The following CEACAM6 variants were observed in gnomAD, a reference collection of about 807,000 sequenced individuals.
CEACAM6 encodes cell adhesion molecule CEACAM6.
Under a neutral mutation model 32.4 loss-of-function variants are expected in CEACAM6, and 21 were observed. The ratio of observed to expected loss-of-function variants is 0.65; its 90% CI spans 0.46 to 0.93. CEACAM6 has a LOEUF of 0.93. Among genes scored for constraint, CEACAM6 ranks in the 40% least tolerant of loss-of-function variants. The pLI, the probability that CEACAM6 is intolerant of heterozygous loss-of-function variation, is 0.00. For missense variants in CEACAM6, 406 were observed against 432.2 expected (o/e 0.94, Z 0.54); for synonymous variants, 184 against 174.4 (o/e 1.06, Z -0.43).
Position 41,766,257 on chromosome 19 carries a change from T to C in CEACAM6, c.1033T>C (p.Ter345GlnextTer19), listed in dbSNP as rs200185319. The C allele has an allele frequency of 5.7e-6, 9 of 1,591,746 alleles. No individual in the cohort carries two copies. Among genetic ancestry groups the C allele is most frequent in the Non-Finnish European group, 5.1e-6 (6 of 1,170,584 alleles). Reference sequence around the variant, plus strand: ...AGTGCTGGCCAGGGTGGCTCTGATATAGCAGCCCTGGTGTATTTTCGATAT... The same window carrying C: ...AGTGCTGGCCAGGGTGGCTCTGATACAGCAGCCCTGGTGTATTTTCGATAT... Reference protein sequence around the residue: ...IGVLARVALI* With the variant: ...IGVLARVALIQ The change falls in exon 5 of 6, where the codon TAG (stop) becomes CAG (glutamine). Residue 345 changes from the stop codon to glutamine (Q), a stop_lost. Transcript: ENST00000199764.
intron 1 of CEACAM6, among the ~76,000 whole-genome samples, chr19:41,755,973 A>G (rs1240830269): frequency 6.6e-6 from 1 of 152,242 alleles, no homozygotes; most frequent in African/African-American, 2.4e-5. Flanking sequence ...AGAAATCAGA[A>G]CTGCATTAGG....
intron 2 of CEACAM6, among the ~76,000 whole-genome samples, chr19:41,759,373 T>A (rs1453928618): frequency 6.6e-6 from 1 of 152,228 alleles, no homozygotes; most frequent in Non-Finnish European, 1.5e-5. Flanking sequence ...GCATTTCACA[T>A]GACTGTTTGG....
chr19:41,760,531 C>G (rs1568725541), intron 2 of CEACAM6, among the ~76,000 whole-genome samples: 1 of 152,218 alleles, frequency 6.6e-6, no homozygotes, highest in Non-Finnish European at 1.5e-5. Flanking sequence ...GAACACGGTT[C>G]TGCTGGGAAA....
chr19:41,762,293 A>T (rs2072931088), intron 4 of CEACAM6, 70 bp downstream of exon 4: 2 of 1,553,978 alleles, frequency 1.3e-6, no homozygotes, highest in East Asian at 4.5e-5. Flanking sequence ...AGAGCCAGGA[A>T]GAAATTTTCT....
At chr19:41,760,999 G>A (rs1181225699) in intron 2 of CEACAM6, among the ~76,000 whole-genome samples, 1 of 152,198 alleles carries the variant, frequency 6.6e-6, no homozygotes, top group African/African-American at 2.4e-5. Flanking sequence ...TCCTGTGTCT[G>A]TCCATGACCC....
intron 4 of CEACAM6, among the ~76,000 whole-genome samples, chr19:41,765,020 A>G (rs2072948592): frequency 1.3e-5 from 2 of 152,216 alleles, no homozygotes; most frequent in African/African-American, 4.8e-5. Context: ...ATTTAATGTA[A>G]CATTTGATTA....
intron 2 of CEACAM6, among the ~76,000 whole-genome samples, chr19:41,757,415 G>C (rs2072895640): frequency 6.6e-6 from 1 of 152,138 alleles, no homozygotes; most frequent in South Asian, 2.1e-4. Context: ...CCAGGGCTGT[G>C]TGGTGGCCTC....
chr19:41,757,976 C>T (rs557118758), intron 2 of CEACAM6: 2 of 152,262 alleles, frequency 1.3e-5, no homozygotes, highest in Non-Finnish European at 2.9e-5. Flanking sequence ...TCTCCTCAAC[C>T]GGGGGTGATG....
intron 5 of CEACAM6, among the ~76,000 whole-genome samples, chr19:41,769,165 G>A (rs1016665594): frequency 2.0e-5 from 3 of 151,908 alleles, no homozygotes; most frequent in African/African-American, 4.8e-5. Flanking sequence ...GGCTGGTCTC[G>A]AACTCCTGAC....
chr19:41,759,477 A>G (rs2072909839), intron 2 of CEACAM6, among the ~76,000 whole-genome samples: 1 of 152,176 alleles, frequency 6.6e-6, no homozygotes, highest in African/African-American at 2.4e-5. Flanking sequence ...CTAATTTGGC[A>G]TCGTTCCTTC....
rs1030780070 is a variant in CEACAM6 at position 41,756,787 on chromosome 19, A to G, written c.252A>G (p.Ile84Met). ...ACAGTCTAATTGTAGGATATGTAAT[A>G]GGAACTCAACAAGCTACCCCAGGGC... is the stretch of plus-strand genomic sequence containing the variant. The part of the protein sequence containing the change: ...DGNSLIVGYV[I>M]GTQQATPGPA... The change falls in exon 2 of 6, where the codon ATA (isoleucine) becomes ATG (methionine). Residue 84 changes from isoleucine to methionine, a missense_variant. Coordinates refer to ENST00000199764, the MANE Select transcript of CEACAM6 (RefSeq NM_002483.7). The G allele has an allele frequency of 6.2e-7, 1 of 1,614,046 alleles. No individual in the cohort carries two copies. The highest frequency in any genetic ancestry group is 1.3e-5 in the African/African-American group (1 of 74,906).
chr19:41,768,939 T>C (rs1270170484), intron 5 of CEACAM6, among the ~76,000 whole-genome samples: 8 of 151,696 alleles, frequency 5.3e-5, no homozygotes, highest in Non-Finnish European at 1.0e-4. Context: ...GGTGGGGGGG[T>C]TGTTTTTTGT....
rs2072992311 is a variant in CEACAM6, at chr19:41,771,193, T to C, written c.*432T>C. On this transcript the variant is annotated 3_prime_UTR_variant, in exon 6 of 6. Transcript: ENST00000199764. ...AGCTTCAGAGGGTAACTTAACAGAG[T>C]GTCAGATCTATCTTGTCAATCCCAA... 6.6e-6 allele frequency: 1 copy of C among 152,146 alleles called. No individual in the cohort carries two copies. The highest frequency in any genetic ancestry group is 6.5e-5 in the Admixed American group (1 of 15,278). The allele number at this position is 152,146 out of a possible 1,614,324, so 9.4% of individuals were successfully genotyped here.
chr19:41,760,669 G>A (rs191410191), intron 2 of CEACAM6, among the ~76,000 whole-genome samples: 3 of 152,266 alleles, frequency 2.0e-5, no homozygotes, highest in Admixed American at 6.5e-5. Context: ...CCCACCTGTG[G>A]TTCCACTGCC....
At chr19:41,762,763 CA>C (rs1425554975) in intron 4 of CEACAM6, among the ~76,000 whole-genome samples, 1 of 152,208 alleles carries the variant, frequency 6.6e-6, no homozygotes, top group Non-Finnish European at 1.5e-5. Context: ...ACCCTGAAGC[CA>C]CCTAAGGTGG....
Position 41,771,845 on chromosome 19 carries a change from A to G in CEACAM6, c.*1084A>G, listed in dbSNP as rs1353625459. 6.6e-6 allele frequency: 1 copy of G among 152,210 alleles called. No individual in the cohort carries two copies. Among genetic ancestry groups the G allele is most frequent in the Non-Finnish European group, 1.5e-5 (1 of 68,032 alleles). The allele number at this position is 152,210 out of a possible 1,614,324, so 9.4% of individuals were successfully genotyped here. A position where few individuals can be genotyped will look rare whatever the true frequency, so the allele number is the denominator to read the frequency against. ...TTAAGATTTGGTCACACTCTCACCT[A>G]GGTGAGCGCATTGAGCCAGTGGTGC... is the stretch of plus-strand genomic sequence containing the variant. On this transcript the variant is annotated 3_prime_UTR_variant, in exon 6 of 6. Coordinates refer to ENST00000199764, the MANE Select transcript of CEACAM6 (RefSeq NM_002483.7).
chr19:41,766,144 A>G, intron 4 of CEACAM6, 39 bp from the exon 5 acceptor site: 2 of 1,488,000 alleles, frequency 1.3e-6, no homozygotes, highest in Non-Finnish European at 1.8e-6. Context: ...CCACTGTAGA[A>G]TAACATCACC....
chr19:41,765,269 G>C (rs1242410371), intron 4 of CEACAM6, among the ~76,000 whole-genome samples: 1 of 152,182 alleles, frequency 6.6e-6, no homozygotes, highest in Non-Finnish European at 1.5e-5. Context: ...ATGAGATACA[G>C]GTAAAGTATT....
chr19:41,756,453 GACACACACACACAC>G lies in CEACAM6; in HGVS notation c.65-120_65-107del, dbSNP rs4060857. On this transcript the variant is annotated intron_variant, in intron 1 of 5. Coordinates refer to ENST00000199764, the MANE Select transcript of CEACAM6 (RefSeq NM_002483.7). ...CACACTGCTGACTTTGACTCAGTAG[GACACACACACACAC>G]ACACACACACACACACACACACACA... 6.0e-4 allele frequency: 551 copies of G among 920,696 alleles called. 2 individuals carry two copies. In the African/African-American group the frequency reaches 7.8e-3, roughly 13 times the overall value. 57.0% of individuals were successfully genotyped at this position (920,696 alleles called of 1,614,324 possible). A position where few individuals can be genotyped will look rare whatever the true frequency, so the allele number is the denominator to read the frequency against.
Sources: gnomAD v4.1 joint callset for allele counts (sites outside exome capture counted in the v4.1 genomes callset) on GRCh38, gnomAD v4.1.1 for gene constraint, MANE v1.5 for transcripts, NCBI Gene and HGNC (gene_info 2026-07-23, HGNC 2026-07-21) for gene names.